The following ABCC6 variants were observed in gnomAD, a reference collection of about 807,000 sequenced individuals.
ABCC6 encodes the protein ATP binding cassette subfamily C member 6, also known as ATP-binding cassette sub-family C member 6.
In ABCC6, 126 loss-of-function variants were observed where a neutral mutation model predicts 169.5. The ratio of observed to expected loss-of-function variants is 0.74; its 90% CI spans 0.64 to 0.86. ABCC6 has a LOEUF of 0.86. Ranked by LOEUF, ABCC6 falls within the 40% of genes least tolerant of loss-of-function variation. The pLI, the probability that ABCC6 is intolerant of heterozygous loss-of-function variation, is 0.00. For missense variants in ABCC6, 1,733 were observed against 1,927.2 expected (o/e 0.90, Z 1.89); for synonymous variants, 752 against 814.7 (o/e 0.92, Z 1.31).
At chr16:16,174,299 G>A (rs1294112168) in intron 20 of ABCC6, among the ~76,000 whole-genome samples, 1 of 151,330 alleles carries the variant, frequency 6.6e-6, no homozygotes, top group Non-Finnish European at 1.5e-5. Context: ...TAAAGCAAAC[G>A]CTGAGCTGTA....
At chr16:16,183,172 A>G (rs2047537794) in intron 15 of ABCC6, among the ~76,000 whole-genome samples, 3 of 152,226 alleles carry the variant, frequency 2.0e-5, no homozygotes, top group Admixed American at 1.3e-4. Flanking sequence ...TCATACAAGC[A>G]TGCTAGCATG....
chr16:16,167,475 ATTTG>A (rs2046913562), intron 22 of ABCC6, among the ~76,000 whole-genome samples: 1 of 152,130 alleles, frequency 6.6e-6, no homozygotes, highest in Admixed American at 6.5e-5. Flanking sequence ...TTGGAGCTGA[ATTTG>A]TTTATTTTCA....
In ABCC6 at chr16:16,220,790, G is replaced by A. The variant is rs1359911714; in HGVS notation, c.220-843C>T. On this transcript the variant is annotated intron_variant, in intron 2 of 30. Coordinates refer to ENST00000205557, the MANE Select transcript of ABCC6 (RefSeq NM_001171.6). ...TGGGCACCTGTAATCCCAGCTACTC[G>A]GGAAGCTGAGGCAGGAGAATCACTT... 4.0e-5 allele frequency among the ~76,000 whole-genome samples: 6 copies of A among 151,718 alleles called. No individual in the cohort carries two copies. In the East Asian group the frequency reaches 7.8e-4, roughly 20 times the overall value.
intron 17 of ABCC6, 82 bp from the exon 18 acceptor site, chr16:16,179,047 A>C (rs2047385292): frequency 6.9e-7 from 1 of 1,443,990 alleles, no homozygotes; most frequent in African/African-American, 1.4e-5. Context: ...AGGTCAGGGC[A>C]CACCTGCCCA....
chr16:16,150,805 G>A, intron 29 of ABCC6, 33 bp from the exon 30 acceptor site: 1 of 1,606,422 alleles, frequency 6.2e-7, no homozygotes, highest in Middle Eastern at 1.7e-4. Flanking sequence ...GCTGGGACGT[G>A]CGTTTGTCGG....
chr16:16,168,821 C>T (rs1402411278), intron 22 of ABCC6, among the ~76,000 whole-genome samples: 5 of 152,102 alleles, frequency 3.3e-5, no homozygotes, highest in African/African-American at 1.2e-4. Context: ...GGGCTCACAC[C>T]TGTAATCCCA....
At chr16:16,221,240 A>G in intron 2 of ABCC6, 1 of 1,079,652 alleles carries the variant, frequency 9.3e-7, no homozygotes. Flanking sequence ...TACATATCAC[A>G]TATAAAAATT....
intron 27 of ABCC6, chr16:16,155,388 T>G: frequency 2.9e-6 from 1 of 340,728 alleles, no homozygotes; most frequent in South Asian, 4.8e-5. Flanking sequence ...ATCCATCCCT[T>G]ATCCTTTTTT....
intron 14 of ABCC6, 124 bp downstream of exon 14, chr16:16,187,000 G>A (rs1027454651): frequency 5.0e-6 from 4 of 799,262 alleles, no homozygotes; most frequent in African/African-American, 3.4e-5. Flanking sequence ...TGATCTGCAC[G>A]TGTCATCCAT....
chr16:16,162,600 T>C (rs1464966934), intron 24 of ABCC6, among the ~76,000 whole-genome samples: 1 of 152,218 alleles, frequency 6.6e-6, no homozygotes, highest in East Asian at 1.9e-4. Flanking sequence ...AGAGGTTATG[T>C]AACTTGCCTG....
intron 15 of ABCC6, among the ~76,000 whole-genome samples, chr16:16,184,380 C>T (rs2047578486): frequency 6.6e-6 from 1 of 152,058 alleles, no homozygotes; most frequent in Admixed American, 6.6e-5. Context: ...AGAGCAGGGC[C>T]CTTGTCTGTT....
intron 10 of ABCC6, among the ~76,000 whole-genome samples, chr16:16,197,477 G>A (rs1349586962): frequency 1.3e-5 from 2 of 151,210 alleles, no homozygotes; most frequent in Non-Finnish European, 2.9e-5. Flanking sequence ...AAAGGGAAGA[G>A]AAGGAGAGGG....
In ABCC6 at chr16:16,154,901, A is replaced by C; in HGVS notation, c.4013T>G (p.Leu1338Arg). 2 of 1,611,782 alleles carry C rather than the reference A, an allele frequency of 1.2e-6. No individual in the cohort carries two copies. The highest frequency in any genetic ancestry group is 1.7e-6 in the Non-Finnish European group (2 of 1,179,142). ...VPIAHVGLHT[L>R]RSRISIIPQD... is the part of the protein sequence containing the mutation. ...GGGGATGATGCTGATCCTGGAGCGC[A>C]GTGTGTGCAGCCCCACGTGGGCAAT... Residue 1338 changes from leucine (L) to arginine (R), a missense_variant, in exon 28 of 31, where the codon CTG (leucine) becomes CGG (arginine). By Grantham distance (102) the Leu-to-Arg change is moderately radical. Coordinates refer to ENST00000205557, the MANE Select transcript of ABCC6 (RefSeq NM_001171.6).
chr16:16,190,631 G>A (rs1366998121), intron 11 of ABCC6, among the ~76,000 whole-genome samples: 2 of 151,588 alleles, frequency 1.3e-5, no homozygotes, highest in African/African-American at 2.4e-5. Flanking sequence ...GAGCCCACCT[G>A]GGTATGACAC....
At chr16:16,221,972 C>T in intron 1 of ABCC6, 141 bp from the exon 2 acceptor site, 1 of 1,273,384 alleles carries the variant, frequency 7.9e-7, no homozygotes, top group Non-Finnish European at 1.1e-6. Context: ...CCTACTAATT[C>T]TCAATTCCTT....
Position 16,198,015 on chromosome 16 carries a change from G to T in ABCC6, c.1338+6C>A. On this transcript the variant is annotated splice_donor_region_variant and intron_variant, in intron 10 of 30. Transcript: ENST00000205557. ...GTTCAAATCCCGTCTTCCTCCTCTG[G>T]CATACCTGCCAGAGATAGACGAAGC... The T allele has an allele frequency of 6.2e-7, 1 of 1,613,794 alleles. No individual in the cohort carries two copies. The highest frequency in any genetic ancestry group is 2.2e-5 in the East Asian group (1 of 44,860).
intron 26 of ABCC6, among the ~76,000 whole-genome samples, chr16:16,158,229 T>A (rs116580094): frequency 0.026 from 3,966 of 152,264 alleles, 166 homozygotes; most frequent in African/African-American, 0.09. Context: ...AGCAGACATG[T>A]ATTGAGTGTT....
intron 20 of ABCC6, among the ~76,000 whole-genome samples, chr16:16,174,110 T>C (rs1212974588): frequency 6.6e-6 from 1 of 152,198 alleles, no homozygotes; most frequent in African/African-American, 2.4e-5. Flanking sequence ...ACCTACCTTC[T>C]ATTAAATTGA....
Position 16,202,178 on chromosome 16 carries a change from G to A in ABCC6, c.999C>T (p.Ser333=). ...VFRFTVPKLL[S]LFLEFIGDPK... ...GATCACCAATAAACTCCAGGAAAAG[G>A]CTTGCAGGGGAAGGAGGGAGAAGGT... Residue 333 remains serine, a splice_region_variant and synonymous_variant, in exon 9 of 31, where the codon AGC becomes AGT. Coordinates refer to ENST00000205557, the MANE Select transcript of ABCC6 (RefSeq NM_001171.6). 1.2e-6 allele frequency: 2 copies of A among 1,611,072 alleles called. No homozygotes were observed. Among genetic ancestry groups the A allele is most frequent in the Non-Finnish European group, 1.7e-6 (2 of 1,178,534 alleles).
Sources: gnomAD v4.1 joint callset for allele counts (sites outside exome capture counted in the v4.1 genomes callset) on GRCh38, gnomAD v4.1.1 for gene constraint, MANE v1.5 for transcripts, NCBI Gene and HGNC (gene_info 2026-07-23, HGNC 2026-07-21) for gene names.